The following RAPGEF4 variants were observed in gnomAD, a reference collection of about 807,000 sequenced individuals.
The protein encoded by RAPGEF4 is Rap guanine nucleotide exchange factor 4, also known as RAP guanine-nucleotide-exchange factor (GEF) 4.
In RAPGEF4, 66 loss-of-function variants were observed where a neutral mutation model predicts 147.9. That is an observed-to-expected ratio of 0.45 (90% CI 0.37 to 0.55). RAPGEF4 has a LOEUF of 0.55. Among genes scored for constraint, RAPGEF4 ranks in the 20% least tolerant of loss-of-function variants. The pLI is 0.00. For synonymous variants in RAPGEF4, 419 were observed against 442.7 expected, an observed-to-expected ratio of 0.95 and a Z score of 0.67; for missense variants, 1,071 against 1,257.3, an observed-to-expected ratio of 0.85 and a Z score of 2.24.
intron 30 of RAPGEF4, among the ~76,000 whole-genome samples, chr2:173,049,680 A>T (rs1476955657): frequency 6.6e-6 from 1 of 152,226 alleles, no homozygotes; most frequent in Admixed American, 6.5e-5. Context: ...AAATATAAGA[A>T]AAATGACATT....
intron 21 of RAPGEF4, among the ~76,000 whole-genome samples, 196 bp downstream of exon 21, chr2:173,017,700 T>C (rs1469989538): frequency 5.3e-5 from 8 of 152,208 alleles, no homozygotes; most frequent in African/African-American, 1.7e-4. Flanking sequence ...GAGATGCCTG[T>C]CTACCTTTCC....
chr2:173,019,469 C>T (rs772045569), intron 22 of RAPGEF4, among the ~76,000 whole-genome samples: 1 of 152,212 alleles, frequency 6.6e-6, no homozygotes, highest in Non-Finnish European at 1.5e-5. Flanking sequence ...AAAACAATTA[C>T]AGTTCATGCT....
intron 4 of RAPGEF4, among the ~76,000 whole-genome samples, chr2:172,887,143 C>T (rs1310710733): frequency 6.7e-6 from 1 of 150,236 alleles, no homozygotes; most frequent in African/African-American, 2.5e-5. Flanking sequence ...GCCGAGATTG[C>T]GCCACTGCAG....
intron 1 of RAPGEF4, among the ~76,000 whole-genome samples, chr2:172,771,672 T>G (rs1683627583): frequency 6.6e-6 from 1 of 152,170 alleles, no homozygotes. Flanking sequence ...CACAAACTCC[T>G]GGGCACAAGC....
intron 3 of RAPGEF4, among the ~76,000 whole-genome samples, chr2:172,809,126 G>C (rs1048377563): frequency 7.9e-5 from 12 of 152,176 alleles, no homozygotes; most frequent in African/African-American, 2.4e-4. Context: ...AATATCTCGA[G>C]GGCATGTTCA....
At chr2:172,941,305 T>C (rs765859541) in intron 6 of RAPGEF4, among the ~76,000 whole-genome samples, 31 of 152,206 alleles carry the variant, frequency 2.0e-4, no homozygotes, top group Non-Finnish European at 4.1e-4. Flanking sequence ...TTTTACCTTA[T>C]TTCTTAAGTC....
At chr2:173,010,369 C>G (rs1324608056) in intron 17 of RAPGEF4, among the ~76,000 whole-genome samples, 3 of 152,218 alleles carry the variant, frequency 2.0e-5, no homozygotes, top group Non-Finnish European at 2.9e-5. Flanking sequence ...CCTATGAGTT[C>G]AGGCAGCCAT....
intron 6 of RAPGEF4, among the ~76,000 whole-genome samples, chr2:172,936,709 T>C (rs1471087131): frequency 2.0e-5 from 3 of 152,108 alleles, no homozygotes; most frequent in Admixed American, 2.0e-4. Flanking sequence ...TGCTCTTCCT[T>C]CGTTCCTGAT....
chr2:173,041,352 T>G (rs1369032845), intron 29 of RAPGEF4, among the ~76,000 whole-genome samples: 1 of 152,186 alleles, frequency 6.6e-6, no homozygotes, highest in Non-Finnish European at 1.5e-5. Context: ...GGGAGTACTT[T>G]GAGAGTTTAC....
intron 1 of RAPGEF4, among the ~76,000 whole-genome samples, chr2:172,739,054 G>A (rs1694068888): frequency 6.6e-6 from 1 of 152,198 alleles, no homozygotes; most frequent in Non-Finnish European, 1.5e-5. Context: ...AAAATCTATA[G>A]CTTTTTATGT....
chr2:172,995,967 T>C (rs1693314153), intron 15 of RAPGEF4, among the ~76,000 whole-genome samples: 1 of 152,200 alleles, frequency 6.6e-6, no homozygotes, highest in African/African-American at 2.4e-5. Flanking sequence ...TAGCTGAATT[T>C]CCAAAGCACA....
At chr2:173,037,479 A>G (rs1368933192) in intron 29 of RAPGEF4, among the ~76,000 whole-genome samples, 2 of 152,222 alleles carry the variant, frequency 1.3e-5, no homozygotes, top group East Asian at 3.8e-4. Context: ...CGGGGGGGAA[A>G]GCAAGGTTAT....
At chr2:173,040,255 A>G (rs916492137) in intron 29 of RAPGEF4, among the ~76,000 whole-genome samples, 1 of 152,208 alleles carries the variant, frequency 6.6e-6, no homozygotes, top group Non-Finnish European at 1.5e-5. Flanking sequence ...TGAAATTTCA[A>G]AATGATTTGA....
At chr2:172,995,064 C>T (rs977398498) in intron 15 of RAPGEF4, among the ~76,000 whole-genome samples, 5 of 152,238 alleles carry the variant, frequency 3.3e-5, no homozygotes, top group African/African-American at 1.2e-4. Flanking sequence ...GTTAAAATGT[C>T]TGCACATCAC....
At chr2:172,986,961 G>A (rs750790210) in intron 12 of RAPGEF4, among the ~76,000 whole-genome samples, 1 of 152,172 alleles carries the variant, frequency 6.6e-6, no homozygotes, top group African/African-American at 2.4e-5. Flanking sequence ...GCCTCCCAAA[G>A]TGTTGGATTA....
At chr2:172,833,343 G>A (rs1368870801) in intron 4 of RAPGEF4, among the ~76,000 whole-genome samples, 11 of 150,732 alleles carry the variant, frequency 7.3e-5, no homozygotes, top group Admixed American at 7.3e-4. Context: ...GGGAAACTAA[G>A]GGGAAGAACG....
chr2:172,865,549 C>A (rs1310560388), intron 4 of RAPGEF4, among the ~76,000 whole-genome samples: 1 of 152,156 alleles, frequency 6.6e-6, no homozygotes, highest in Non-Finnish European at 1.5e-5. Context: ...TGTCTTTCTT[C>A]CCAAAGTCTG....
intron 1 of RAPGEF4, among the ~76,000 whole-genome samples, chr2:172,777,208 G>T (rs1310396426): frequency 6.6e-6 from 1 of 152,164 alleles, no homozygotes; most frequent in Non-Finnish European, 1.5e-5. Flanking sequence ...GGGTGATCCA[G>T]GCAGCCTCCC....
intron 6 of RAPGEF4, among the ~76,000 whole-genome samples, chr2:172,931,514 G>C (rs527633816): frequency 6.6e-6 from 1 of 152,276 alleles, no homozygotes; most frequent in East Asian, 1.9e-4. Flanking sequence ...TTATAAACTT[G>C]GCTCAGACAG....
Sources: gnomAD v4.1 joint callset for allele counts (sites outside exome capture counted in the v4.1 genomes callset) on GRCh38, gnomAD v4.1.1 for gene constraint, MANE v1.5 for transcripts, NCBI Gene and HGNC (gene_info 2026-07-23, HGNC 2026-07-21) for gene names.